HIVEP1: variants seen among roughly 807,000 people sequenced by gnomAD.
The protein encoded by HIVEP1 is zinc finger protein 40.
A neutral mutation model predicts 180.0 loss-of-function variants in HIVEP1; 36 were observed. The ratio of observed to expected loss-of-function variants is 0.20; its 90% CI spans 0.15 to 0.26. HIVEP1 has a LOEUF of 0.26. Among genes scored for constraint, HIVEP1 ranks in the 10% least tolerant of loss-of-function variants. The pLI is 1.00. For missense variants in HIVEP1, 3,143 were observed against 3,268.7 expected, an observed-to-expected ratio of 0.96 and a Z score of 0.94; for synonymous variants, 1,239 against 1,239.0, an observed-to-expected ratio of 1.00 and a Z score of 0.00.
chr6:12,081,816 C>T (rs115192646), intron 2 of HIVEP1, among the ~76,000 whole-genome samples: 1 of 152,072 alleles, frequency 6.6e-6, no homozygotes, highest in Non-Finnish European at 1.5e-5. Context: ...TAAGACAGTT[C>T]CACTTTGCTT....
the HIVEP1 span, among the ~76,000 whole-genome samples, chr6:12,172,371 G>A: frequency 2.6e-5 from 4 of 151,996 alleles, no homozygotes; most frequent in Non-Finnish European, 2.9e-5. Flanking sequence ...GGTAAGGATG[G>A]AAAAGTGGAA....
chr6:12,111,088 A>G (rs1259606396), intron 3 of HIVEP1, among the ~76,000 whole-genome samples: 1 of 152,238 alleles, frequency 6.6e-6, no homozygotes, highest in Non-Finnish European at 1.5e-5. Flanking sequence ...ACATGGGCAC[A>G]ATTAATGCAG....
At chr6:12,212,024 C>T in the HIVEP1 span, among the ~76,000 whole-genome samples, 1 of 152,204 alleles carries the variant, frequency 6.6e-6, no homozygotes, top group African/African-American at 2.4e-5. Context: ...AGAAGACATG[C>T]CCCGTCCGGA....
chr6:12,192,282 CTTAAGTACATATTTTTAAATTT>C, the HIVEP1 span, among the ~76,000 whole-genome samples: 1 of 150,904 alleles, frequency 6.6e-6, no homozygotes, highest in African/African-American at 2.5e-5. Flanking sequence ...TTTCACCTCT[CTTAAGTACATATTTTTAAATTT>C]TTAAATGGAT....
intron 2 of HIVEP1, among the ~76,000 whole-genome samples, chr6:12,017,465 C>G (rs1224686921): frequency 6.6e-6 from 1 of 152,226 alleles, no homozygotes; most frequent in African/African-American, 2.4e-5. Flanking sequence ...AAAGAGCAAG[C>G]AGTAGCAAGA....
At chr6:12,131,990 C>T (rs1758449777) in intron 6 of HIVEP1, among the ~76,000 whole-genome samples, 1 of 152,062 alleles carries the variant, frequency 6.6e-6, no homozygotes. Flanking sequence ...CAACTACATG[C>T]TTCAAATTAG....
chr6:12,161,984 A>G (rs1181916469), intron 8 of HIVEP1, 55 bp downstream of exon 8: 37 of 1,470,320 alleles, frequency 2.5e-5, no homozygotes, highest in Non-Finnish European at 2.9e-5. Context: ...CCTATTAAAT[A>G]TGGAGAACTT....
At chr6:12,039,598 G>GTTTGTGTGTA (rs1428549014) in intron 2 of HIVEP1, among the ~76,000 whole-genome samples, 1 of 152,170 alleles carries the variant, frequency 6.6e-6, no homozygotes, top group African/African-American at 2.4e-5. Context: ...CATAGCGTTG[G>GTTTGTGTGTA]TTTGTGTGTA....
At chr6:12,034,772 G>A (rs1377927478) in intron 2 of HIVEP1, among the ~76,000 whole-genome samples, 2 of 152,160 alleles carry the variant, frequency 1.3e-5, no homozygotes, top group Admixed American at 1.3e-4. Flanking sequence ...TTGAAAGAGA[G>A]GAAAAAGGAA....
At chr6:12,107,428 G>A (rs1774503713) in intron 3 of HIVEP1, among the ~76,000 whole-genome samples, 1 of 152,196 alleles carries the variant, frequency 6.6e-6, no homozygotes. Context: ...GCTGCTGACT[G>A]ATCAGGGTAC....
In HIVEP1 at chr6:12,124,747, C is replaced by A; in HGVS notation, c.4952C>A (p.Thr1651Lys). The A allele has an allele frequency of 6.2e-7, 1 of 1,614,200 alleles. No homozygotes were observed. The highest frequency in any genetic ancestry group is 2.2e-5 in the East Asian group (1 of 44,890). ...QSSVPAYCFA[T>K]LTSLPQILVT... ...AGTGTTCCTGCTTACTGTTTTGCTA[C>A]ACTCACATCCCTGCCACAAATACTA... Residue 1651 changes from threonine (T) to lysine (K), a missense_variant, in exon 4 of 9, where the codon ACA (threonine) becomes AAA (lysine). Around this residue, in one of 12 missense-constraint regions of HIVEP1, gnomAD observed 1,357 missense variants for 1,260.5 expected, o/e 1.08. Coordinates refer to ENST00000379388, the MANE Select transcript of HIVEP1 (RefSeq NM_002114.4).
chr6:12,042,072 C>CTTTTT, intron 2 of HIVEP1, among the ~76,000 whole-genome samples: 1 of 128,146 alleles, frequency 7.8e-6, no homozygotes, highest in East Asian at 2.3e-4. Context: ...TATTCGTACG[C>CTTTTT]TTTTTTTTTT....
intron 2 of HIVEP1, chr6:12,020,561 C>G (rs1768119995): frequency 2.5e-6 from 1 of 399,176 alleles, no homozygotes; most frequent in Non-Finnish European, 5.2e-6. Flanking sequence ...TGGTGACTTG[C>G]AGGGGGTTCC....
intron 2 of HIVEP1, among the ~76,000 whole-genome samples, chr6:12,085,802 A>G (rs925483439): frequency 3.3e-5 from 5 of 152,280 alleles, no homozygotes; most frequent in East Asian, 1.9e-4. Context: ...GTAAATCCTT[A>G]TTTGAAGATT....
intron 3 of HIVEP1, among the ~76,000 whole-genome samples, chr6:12,101,798 G>A (rs1718435330): frequency 6.6e-6 from 1 of 151,900 alleles, no homozygotes. Context: ...TAATCAAAAG[G>A]CATAGATTGT....
downstream of HIVEP1, among the ~76,000 whole-genome samples, chr6:12,168,283 T>TA (rs759284062): frequency 2.4e-3 from 279 of 117,582 alleles, 4 homozygotes; most frequent in Non-Finnish European, 3.7e-3. Flanking sequence ...TATACATATA[T>TA]TATATACATA....
In HIVEP1 at chr6:12,103,843, A is replaced by T. The variant is rs557425019; in HGVS notation, c.94+14606A>T. On this transcript the variant is annotated intron_variant, in intron 3 of 8. Transcript: ENST00000379388. ...TAGAATACAATATTCTCATAATTTTAAAGAGTTTCTTTTAGTTTTCCATTT... is the reference window on the plus strand; with the variant it reads ...TAGAATACAATATTCTCATAATTTTTAAGAGTTTCTTTTAGTTTTCCATTT... Among the ~76,000 whole-genome samples, 118 of 152,240 alleles carry T rather than the reference A, an allele frequency of 7.8e-4. 4 individuals are homozygous for T. The South Asian group carries it at 0.013, about 17-fold the overall frequency.
intron 2 of HIVEP1, among the ~76,000 whole-genome samples, chr6:12,065,809 A>G (rs986907387): frequency 3.3e-5 from 5 of 152,026 alleles, no homozygotes; most frequent in East Asian, 3.9e-4. Context: ...CTTGGTTTCT[A>G]TGATGCAGTT....
At chr6:12,066,465 G>C (rs1228851201) in intron 2 of HIVEP1, among the ~76,000 whole-genome samples, 1 of 152,146 alleles carries the variant, frequency 6.6e-6, no homozygotes, top group Non-Finnish European at 1.5e-5. Context: ...GCTGATAAAT[G>C]ATCAGAAAGC....
Sources: allele counts gnomAD v4.1 joint callset (sites outside exome capture counted in the v4.1 genomes callset), GRCh38; gene constraint gnomAD v4.1.1; regional missense constraint gnomAD v4.1.1; transcripts MANE v1.5; gene names NCBI Gene and HGNC (gene_info 2026-07-23, HGNC 2026-07-21).